The following ZHX2 variants were observed in gnomAD, a reference collection of about 807,000 sequenced individuals.
ZHX2 encodes the protein zinc fingers and homeoboxes protein 2.
ZHX2 carries 6 observed loss-of-function variants against 21.9 expected under a neutral mutation model. The ratio of observed to expected loss-of-function variants is 0.27; its 90% CI spans 0.15 to 0.54. ZHX2 has a LOEUF of 0.54. ZHX2 is among the 20% of genes least tolerant of loss of function. ZHX2 has a pLI of 0.95. For missense variants in ZHX2, 908 were observed against 1,090.7 expected, an observed-to-expected ratio of 0.83 and a Z score of 2.36; for synonymous variants, 434 against 437.1, an observed-to-expected ratio of 0.99 and a Z score of 0.09.
At chr8:122,849,717 A>G (rs1038759824) in intron 1 of ZHX2, among the ~76,000 whole-genome samples, 5 of 152,260 alleles carry the variant, frequency 3.3e-5, no homozygotes, top group African/African-American at 1.2e-4. Flanking sequence ...ACTTAATTAC[A>G]TCTACAAAGA....
chr8:122,902,937 A>T (rs1049740417), intron 2 of ZHX2, among the ~76,000 whole-genome samples: 1 of 152,150 alleles, frequency 6.6e-6, no homozygotes, highest in South Asian at 2.1e-4. Flanking sequence ...TGGATTCCCA[A>T]GGCCTCCTGG....
intron 2 of ZHX2, among the ~76,000 whole-genome samples, chr8:122,897,571 A>G (rs1790608026): frequency 6.6e-5 from 10 of 152,154 alleles, no homozygotes; most frequent in Admixed American, 6.5e-4. Flanking sequence ...TAGAAATTTA[A>G]TGGAGCAATT....
At chr8:122,849,849 A>G (rs1250289168) in intron 1 of ZHX2, among the ~76,000 whole-genome samples, 3 of 152,194 alleles carry the variant, frequency 2.0e-5, no homozygotes, top group Non-Finnish European at 4.4e-5. Context: ...GGTGCCTACC[A>G]TGTTATGGAG....
chr8:122,780,635 G>A (rs1173605621), upstream of ZHX2: 1 of 152,242 alleles, frequency 6.6e-6, no homozygotes, highest in Non-Finnish European at 1.5e-5. Flanking sequence ...CGAGCCGGCG[G>A]GCGAAGGGCA....
chr8:122,781,353 C>T (rs896454866), upstream of ZHX2: 3 of 152,270 alleles, frequency 2.0e-5, no homozygotes, highest in Non-Finnish European at 4.4e-5. This position sits in a 1 kb window ranked among gnomAD's most constrained non-coding sequence, Gnocchi z 4.6. Context: ...GCGGCCGCCG[C>T]GCGGGGTCGT....
chr8:122,892,576 T>C (rs1266636123), intron 2 of ZHX2, among the ~76,000 whole-genome samples: 1 of 152,216 alleles, frequency 6.6e-6, no homozygotes, highest in Non-Finnish European at 1.5e-5. Flanking sequence ...CTCATTTGTG[T>C]ATCTGCTTTA....
At position 122,953,709 on chromosome 8, in the gene ZHX2, C is replaced by A; in HGVS notation, c.2199C>A (p.Asp733Glu). 1 of 1,614,212 alleles carries A rather than the reference C, an allele frequency of 6.2e-7. No homozygotes were observed. The highest frequency in any genetic ancestry group is 1.7e-5 in the Admixed American group (1 of 60,030). ...ATGTGGTTCCACAATATTACAAGGACCCCAAAAAGCTCTGCGAAGAGGACT... is the reference window on the plus strand; with the variant it reads ...ATGTGGTTCCACAATATTACAAGGAACCCAAAAAGCTCTGCGAAGAGGACT... ...GGDVVPQYYK[D>E]PKKLCEEDLE... Residue 733 changes from aspartate (D) to glutamate (E), a missense_variant, in exon 3 of 4, where the codon GAC (aspartate) becomes GAA (glutamate). Physicochemically the swap from Asp to Glu is conservative, Grantham distance 45. This residue lies in a region of ZHX2 where 431 missense variants were observed against 428.6 expected (regional missense o/e 1.01). Transcript: ENST00000314393. This position sits in a 1 kb window ranked among gnomAD's most constrained non-coding sequence, Gnocchi z 4.6.
chr8:122,900,255 G>A (rs1350150361), intron 2 of ZHX2, among the ~76,000 whole-genome samples: 1 of 151,972 alleles, frequency 6.6e-6, no homozygotes, highest in Admixed American at 6.5e-5. Flanking sequence ...TCTGCTTCTG[G>A]TGTGGACCTC....
chr8:122,946,344 A>T (rs1812975205), intron 2 of ZHX2, among the ~76,000 whole-genome samples: 1 of 152,130 alleles, frequency 6.6e-6, no homozygotes. Flanking sequence ...TATTTCTTGC[A>T]GATCCACCAA....
intron 1 of ZHX2, among the ~76,000 whole-genome samples, chr8:122,793,646 G>A (rs1416194452): frequency 6.6e-6 from 1 of 152,188 alleles, no homozygotes; most frequent in Non-Finnish European, 1.5e-5. Context: ...GGAGATTTGG[G>A]AAATCAATTT....
At chr8:122,785,540 G>A (rs1817377622) in intron 1 of ZHX2, among the ~76,000 whole-genome samples, 1 of 152,262 alleles carries the variant, frequency 6.6e-6, no homozygotes, top group Non-Finnish European at 1.5e-5. Context: ...TATCTGGGAA[G>A]GGGCACCCCT....
chr8:122,794,108 G>C (rs983091516), intron 1 of ZHX2, among the ~76,000 whole-genome samples: 2 of 152,196 alleles, frequency 1.3e-5, no homozygotes. Context: ...GAGCACCTGA[G>C]TACCCAGCTT....
chr8:122,948,986 T>C (rs1009740341), intron 2 of ZHX2, among the ~76,000 whole-genome samples: 6 of 152,190 alleles, frequency 3.9e-5, no homozygotes, highest in African/African-American at 7.2e-5. Context: ...AATTAAAATT[T>C]CTACATGTTA....
At chr8:122,960,026 G>A (rs1813404992) in intron 3 of ZHX2, among the ~76,000 whole-genome samples, 1 of 152,152 alleles carries the variant, frequency 6.6e-6, no homozygotes, top group East Asian at 1.9e-4. Flanking sequence ...AAGTATTTGT[G>A]GAATGTCTGC....
intron 2 of ZHX2, among the ~76,000 whole-genome samples, chr8:122,928,647 T>C (rs954956416): frequency 7.2e-5 from 11 of 152,160 alleles, no homozygotes; most frequent in Non-Finnish European, 1.3e-4. Context: ...TCCCGTAATA[T>C]AGGCAAGCTG....
chr8:122,837,453 C>T (rs1818528625), intron 1 of ZHX2, among the ~76,000 whole-genome samples: 2 of 152,156 alleles, frequency 1.3e-5, no homozygotes, highest in African/African-American at 4.8e-5. Flanking sequence ...CTGGTCCTGC[C>T]ACTACCCCTA....
At chr8:122,901,157 C>T (rs183478860) in intron 2 of ZHX2, among the ~76,000 whole-genome samples, 17 of 152,044 alleles carry the variant, frequency 1.1e-4, no homozygotes, top group East Asian at 1.9e-4. Context: ...TTGTCTAGAG[C>T]GCAACTCATA....
chr8:122,881,472 T>A (rs757522122), intron 2 of ZHX2, among the ~76,000 whole-genome samples: 14 of 152,226 alleles, frequency 9.2e-5, no homozygotes, highest in Non-Finnish European at 1.6e-4. Context: ...CTCTCAGAGT[T>A]GTTTTGAGAA....
chr8:122,825,479 C>T (rs1818243525), intron 1 of ZHX2, among the ~76,000 whole-genome samples: 1 of 152,268 alleles, frequency 6.6e-6, no homozygotes, highest in Non-Finnish European at 1.5e-5. Context: ...GTTCAATGAT[C>T]TTAAACCGCC....
Sources: allele counts gnomAD v4.1 joint callset (sites outside exome capture counted in the v4.1 genomes callset), GRCh38; gene constraint gnomAD v4.1.1; regional missense constraint gnomAD v4.1.1; non-coding constraint Gnocchi (gnomAD v3.1); transcripts MANE v1.5; gene names NCBI Gene and HGNC (gene_info 2026-07-23, HGNC 2026-07-21).